The following USP15 variants were observed in gnomAD, a reference collection of about 807,000 sequenced individuals.
The protein encoded by USP15 is ubiquitin specific peptidase 15.
USP15 carries 18 observed loss-of-function variants against 127.1 expected under a neutral mutation model. That is an observed-to-expected ratio of 0.14 (90% CI 0.10 to 0.21). USP15 has a LOEUF of 0.21. Ranked by LOEUF, USP15 falls within the 10% of genes least tolerant of loss-of-function variation. USP15 has a pLI of 1.00. For missense variants in USP15, 805 were observed against 1,159.9 expected, an observed-to-expected ratio of 0.69 and a Z score of 4.44; for synonymous variants, 364 against 393.7, an observed-to-expected ratio of 0.92 and a Z score of 0.89.
intron 1 of USP15, among the ~76,000 whole-genome samples, chr12:62,266,450 A>G (rs1215715471): frequency 6.6e-6 from 1 of 152,194 alleles, no homozygotes; most frequent in Non-Finnish European, 1.5e-5. Flanking sequence ...CTCTTAAAGA[A>G]TTTTTGAAGT....
chr12:62,388,117 ATTT>A (rs58192089), intron 11 of USP15, among the ~76,000 whole-genome samples: 147 of 106,580 alleles, frequency 1.4e-3, no homozygotes, highest in Admixed American at 1.7e-3. Context: ...AATGGTGAAG[ATTT>A]TTTTTTTTTT....
At chr12:62,284,452 C>G (rs2063735275) in intron 1 of USP15, among the ~76,000 whole-genome samples, 1 of 152,136 alleles carries the variant, frequency 6.6e-6, no homozygotes, top group African/African-American at 2.4e-5. Context: ...TTCTGCATAT[C>G]CACTTTTAGG....
intron 6 of USP15, among the ~76,000 whole-genome samples, chr12:62,334,709 T>TA (rs1272957376): frequency 6.6e-6 from 1 of 152,198 alleles, no homozygotes; most frequent in Non-Finnish European, 1.5e-5. Flanking sequence ...TGTATGAAGT[T>TA]ACGTTGTTTT....
chr12:62,271,852 A>G (rs1039176280), intron 1 of USP15, among the ~76,000 whole-genome samples: 1 of 151,940 alleles, frequency 6.6e-6, no homozygotes, highest in Non-Finnish European at 1.5e-5. Flanking sequence ...AGATCTAAAA[A>G]GAGATCATAA....
chr12:62,329,786 TGCCAA>T (rs1419006284), intron 6 of USP15, among the ~76,000 whole-genome samples: 1 of 152,226 alleles, frequency 6.6e-6, no homozygotes, highest in African/African-American at 2.4e-5. Flanking sequence ...AGTTTTCTGA[TGCCAA>T]GTATTGGGTA....
chr12:62,286,283 C>A (rs1486717702), intron 1 of USP15, among the ~76,000 whole-genome samples: 1 of 152,060 alleles, frequency 6.6e-6, no homozygotes, highest in East Asian at 1.9e-4. Context: ...AAAAAATGCA[C>A]AAAATCACTA....
At chr12:62,395,237 A>G (rs976367259) in intron 19 of USP15, among the ~76,000 whole-genome samples, 8 of 152,194 alleles carry the variant, frequency 5.3e-5, no homozygotes, top group African/African-American at 1.9e-4. Flanking sequence ...AATTGACTGT[A>G]AAATAAAGAT....
At chr12:62,404,160 TCATAA>T in intron 21 of USP15, 28 bp from the exon 22 acceptor site, 2 of 1,535,190 alleles carry the variant, frequency 1.3e-6, no homozygotes, top group Non-Finnish European at 1.8e-6. Context: ...TCTTTGAGAA[TCATAA>T]CTGTTTTAAC....
chr12:62,345,177 T>C (rs2065777017), intron 6 of USP15, among the ~76,000 whole-genome samples: 1 of 152,224 alleles, frequency 6.6e-6, no homozygotes, highest in Non-Finnish European at 1.5e-5. Flanking sequence ...TAAAACTGAA[T>C]GCCTTTAGCA....
At chr12:62,303,288 CAATG>C (rs1378213110) in intron 3 of USP15, 1 of 153,810 alleles carries the variant, frequency 6.5e-6, no homozygotes, top group African/African-American at 2.4e-5. Flanking sequence ...AATTAGAAAA[CAATG>C]AAGAAACTAA....
intron 9 of USP15, among the ~76,000 whole-genome samples, chr12:62,383,182 C>T (rs532531417): frequency 1.3e-5 from 2 of 151,890 alleles, no homozygotes; most frequent in African/African-American, 4.8e-5. Context: ...ATGAAGCTGC[C>T]ACAAACACTG....
chr12:62,372,522 G>GTA (rs1241658768), intron 8 of USP15, among the ~76,000 whole-genome samples: 2 of 152,084 alleles, frequency 1.3e-5, no homozygotes, highest in African/African-American at 4.8e-5. Context: ...CTTAAAGAAT[G>GTA]TAACAAATCA....
At chr12:62,363,073 T>C (rs2066364562) in intron 8 of USP15, among the ~76,000 whole-genome samples, 1 of 152,122 alleles carries the variant, frequency 6.6e-6, no homozygotes, top group Admixed American at 6.5e-5. Flanking sequence ...CCAGATCATA[T>C]AGGGAGAATT....
At position 62,389,506 on chromosome 12, in the gene USP15, G is replaced by A; in HGVS notation, c.1549G>A (p.Ala517Thr). 6 of 1,613,644 alleles carry A rather than the reference G, an allele frequency of 3.7e-6. No individual in the cohort carries two copies. Among genetic ancestry groups the A allele is most frequent in the Non-Finnish European group, 5.1e-6 (6 of 1,179,856 alleles). ...TALSALSGIP[A>T]DKMIVTDIYN... is the part of the protein sequence containing the mutation. The stretch of plus-strand genomic sequence containing the variant: ...ATTGTCTGCTTTGTCAGGAATACCT[G>A]CAGATAAGGTAAGATGTTTCTGGGG... The change falls in exon 12 of 22, where the codon GCA (alanine) becomes ACA (threonine). Residue 517 changes from alanine to threonine, a missense_variant. Transcript: ENST00000280377.
intron 1 of USP15, chr12:62,279,150 C>T (rs900343912): frequency 6.6e-6 from 1 of 152,090 alleles, no homozygotes; most frequent in Non-Finnish European, 1.5e-5. Context: ...ATATCATCAC[C>T]TCCTTATTTC....
At chr12:62,278,728 C>T (rs1443436803) in intron 1 of USP15, 1 of 152,118 alleles carries the variant, frequency 6.6e-6, no homozygotes, top group Non-Finnish European at 1.5e-5. Flanking sequence ...AGTAAAAAAT[C>T]CATTTAATAT....
At chr12:62,319,502 T>C (rs2064924835) in intron 4 of USP15, among the ~76,000 whole-genome samples, 1 of 152,202 alleles carries the variant, frequency 6.6e-6, no homozygotes, top group African/African-American at 2.4e-5. Context: ...TATAAATACT[T>C]TGATAGGTCA....
chr12:62,389,531 G>C lies in USP15; in HGVS notation c.1557+17G>C, dbSNP rs376532350. On this transcript the variant is annotated intron_variant, in intron 12 of 21. Coordinates refer to ENST00000280377, the MANE Select transcript of USP15 (RefSeq NM_001252078.2). ...GCAGATAAGGTAAGATGTTTCTGGG[G>C]TTGAAGTATATAAGTTGGTATTTAG... 2.8e-5 allele frequency: 45 copies of C among 1,612,928 alleles called. No homozygotes were observed. The highest frequency in any genetic ancestry group is 3.2e-5 in the Non-Finnish European group (38 of 1,179,604).
intron 1 of USP15, among the ~76,000 whole-genome samples, chr12:62,292,078 G>C (rs1209051804): frequency 6.6e-6 from 1 of 151,810 alleles, no homozygotes; most frequent in Non-Finnish European, 1.5e-5. Flanking sequence ...GACAAGGGTG[G>C]CAGGGGAGAG....
Sources: gnomAD v4.1 joint callset for allele counts (sites outside exome capture counted in the v4.1 genomes callset) on GRCh38, gnomAD v4.1.1 for gene constraint, MANE v1.5 for transcripts, NCBI Gene and HGNC (gene_info 2026-07-23, HGNC 2026-07-21) for gene names.